Variants in ACBD6 observed in about 807,000 individuals in gnomAD.
ACBD6 encodes acyl-CoA binding domain containing 6.
In ACBD6, 28 loss-of-function variants were observed where a neutral mutation model predicts 37.2. The observed-to-expected ratio is 0.75, with a 90% CI of 0.56 to 1.03. ACBD6 has a LOEUF of 1.03. Ranked by LOEUF, ACBD6 falls within the 50% of genes least tolerant of loss-of-function variation. The pLI is 0.00. For missense variants in ACBD6, 340 were observed against 337.4 expected, an observed-to-expected ratio of 1.01 and a Z score of -0.06; for synonymous variants, 113 against 126.8, an observed-to-expected ratio of 0.89 and a Z score of 0.73.
intron 2 of ACBD6, 95 bp from the exon 3 acceptor site, chr1:180,492,460 G>C: frequency 2.1e-6 from 2 of 941,410 alleles, no homozygotes. Flanking sequence ...ACATTTCAAG[G>C]GTCTCTGAAT....
intron 6 of ACBD6, among the ~76,000 whole-genome samples, chr1:180,336,891 A>C (rs1651743559): frequency 6.6e-6 from 1 of 152,228 alleles, no homozygotes; most frequent in African/African-American, 2.4e-5. Flanking sequence ...TATGCAAATA[A>C]ACTAGAAAAT....
rs542490437 is a variant in ACBD6, at chr1:180,429,984, T to C, written c.467+196A>G. Among the ~76,000 whole-genome samples, 18 of 152,290 alleles carry C rather than the reference T, an allele frequency of 1.2e-4. No individual in the cohort carries two copies. The East Asian group carries it at 2.9e-3, about 24-fold the overall frequency. ...TAAAGATTATACACCTAAAAAATTA[T>C]TTCCTGTCATTTATTGTCCTGCTGG... On this transcript the variant is annotated intron_variant, in intron 4 of 7. Transcript: ENST00000367595.
intron 6 of ACBD6, among the ~76,000 whole-genome samples, chr1:180,368,721 T>C (rs1437362205): frequency 6.6e-5 from 10 of 150,920 alleles, no homozygotes; most frequent in Non-Finnish European, 1.5e-4. Context: ...TTTTTTCATA[T>C]ATATATATAT....
intron 2 of ACBD6, among the ~76,000 whole-genome samples, chr1:180,494,732 C>T (rs1042931171): frequency 2.6e-5 from 4 of 152,046 alleles, no homozygotes; most frequent in Non-Finnish European, 5.9e-5. Flanking sequence ...ACCTTAATTC[C>T]AGGGCTGATG....
intron 3 of ACBD6, chr1:180,435,232 G>T (rs1648981557): frequency 3.0e-6 from 2 of 671,386 alleles, no homozygotes; most frequent in African/African-American, 1.8e-5. Context: ...GGTTACGAGG[G>T]CTGGCTGGCC....
At chr1:180,500,714 T>G (rs1454849022) in intron 1 of ACBD6, among the ~76,000 whole-genome samples, 4 of 140,142 alleles carry the variant, frequency 2.9e-5, no homozygotes, top group African/African-American at 1.1e-4. Flanking sequence ...AAAAAAAAAG[T>G]GTCAGCCAGG....
At chr1:180,282,972 GTTTT>G (rs34828086) in intron 8 of ACBD6, among the ~76,000 whole-genome samples, 11,562 of 110,178 alleles carry the variant, frequency 0.1, 374 homozygotes, top group Middle Eastern at 0.17. Context: ...ATGTCTTTCT[GTTTT>G]TTTTTTTTTT....
At chr1:180,368,354 T>G (rs1465987126) in intron 6 of ACBD6, among the ~76,000 whole-genome samples, 6 of 152,236 alleles carry the variant, frequency 3.9e-5, no homozygotes, top group African/African-American at 1.4e-4. Flanking sequence ...GACAGTTTCT[T>G]TTGCTGTGCA....
At chr1:180,492,592 C>T (rs1261593522) in intron 2 of ACBD6, among the ~76,000 whole-genome samples, 1 of 152,082 alleles carries the variant, frequency 6.6e-6, no homozygotes, top group Non-Finnish European at 1.5e-5. Context: ...TCCTAATCGT[C>T]CTCCCCGTGA....
intron 5 of ACBD6, among the ~76,000 whole-genome samples, chr1:180,400,424 A>C (rs1647306757): frequency 6.6e-6 from 1 of 152,198 alleles, no homozygotes. Flanking sequence ...AATTAGAATG[A>C]ATTCTCTGAC....
chr1:180,328,651 A>G (rs1231231755), intron 6 of ACBD6, among the ~76,000 whole-genome samples: 1 of 152,162 alleles, frequency 6.6e-6, no homozygotes, highest in Admixed American at 6.5e-5. Context: ...TAAGTGAGGC[A>G]CTCAAGCAAA....
chr1:180,502,358 T>A lies in ACBD6; in HGVS notation c.-92A>T. On this transcript the variant is annotated 5_prime_UTR_variant, in exon 1 of 8. Transcript: ENST00000367595. ...TGGAGGCCTGGCCCACCAGTCTGGG[T>A]CGCGAGCCTGAGCTCCAGTCGGACC... The A allele has an allele frequency of 7.0e-7, 1 of 1,429,060 alleles. No individual in the cohort carries two copies. Among genetic ancestry groups the A allele is most frequent in the South Asian group, 1.2e-5 (1 of 82,698 alleles). 88.5% of individuals were successfully genotyped at this position (1,429,060 alleles called of 1,614,324 possible).
At chr1:180,314,936 C>T (rs1160465698) in intron 6 of ACBD6, among the ~76,000 whole-genome samples, 1 of 152,180 alleles carries the variant, frequency 6.6e-6, no homozygotes, top group African/African-American at 2.4e-5. Context: ...GTAGCAGCTA[C>T]AATGGAGTAA....
At chr1:180,339,752 CA>C (rs1210592698) in intron 6 of ACBD6, among the ~76,000 whole-genome samples, 4 of 150,870 alleles carry the variant, frequency 2.7e-5, no homozygotes, top group East Asian at 4.4e-4. Context: ...GGACAGCAAA[CA>C]AGACAAAAAT....
chr1:180,460,393 C>A (rs1218157880), intron 3 of ACBD6, among the ~76,000 whole-genome samples: 1 of 152,046 alleles, frequency 6.6e-6, no homozygotes, highest in African/African-American at 2.4e-5. Flanking sequence ...AAACGGTACC[C>A]CAGCACAGCA....
At chr1:180,477,424 G>T (rs1166162276) in intron 3 of ACBD6, among the ~76,000 whole-genome samples, 1 of 152,108 alleles carries the variant, frequency 6.6e-6, no homozygotes, top group Admixed American at 6.5e-5. Context: ...AAAGTCAGTA[G>T]GATAGACCAT....
chr1:180,465,332 C>T (rs1245606144), intron 3 of ACBD6, among the ~76,000 whole-genome samples: 1 of 151,914 alleles, frequency 6.6e-6, no homozygotes, highest in Non-Finnish European at 1.5e-5. Flanking sequence ...AAAAACCACC[C>T]CATTAAAAAG....
intron 6 of ACBD6, among the ~76,000 whole-genome samples, chr1:180,360,810 G>A (rs1312929618): frequency 1.3e-5 from 2 of 152,100 alleles, no homozygotes; most frequent in Non-Finnish European, 2.9e-5. Flanking sequence ...CCATTAAGGA[G>A]AGCATTATAG....
exon 14 of ACBD6, chr1:180,270,979 C>G (rs117488686): frequency 6.4e-6 from 2 of 310,690 alleles, no homozygotes; most frequent in African/African-American, 4.3e-5. Context: ...TCTGGGGCGA[C>G]TTTGAACATG....
Sources: allele counts gnomAD v4.1 joint callset (sites outside exome capture counted in the v4.1 genomes callset), GRCh38; gene constraint gnomAD v4.1.1; transcripts MANE v1.5; gene names NCBI Gene and HGNC (gene_info 2026-07-23, HGNC 2026-07-21).